Variants in DOCK8 observed in about 807,000 individuals in gnomAD.
DOCK8 encodes dedicator of cytokinesis 8.
A neutral mutation model predicts 245.6 loss-of-function variants in DOCK8; 141 were observed. That is an observed-to-expected ratio of 0.57 (90% CI 0.50 to 0.66). DOCK8 has a LOEUF of 0.66. Among genes scored for constraint, DOCK8 ranks in the 30% least tolerant of loss-of-function variants. The pLI is 0.00. For missense variants in DOCK8, 2,965 were observed against 2,603.4 expected (o/e 1.14, Z -3.02); for synonymous variants, 1,168 against 970.2 (o/e 1.20, Z -3.79).
intron 1 of DOCK8, among the ~76,000 whole-genome samples, chr9:215,914 T>G (rs959009630): frequency 2.0e-5 from 3 of 152,178 alleles, no homozygotes; most frequent in African/African-American, 7.2e-5. Flanking sequence ...TTCTAAAGTG[T>G]CAACTTATTC....
intron 9 of DOCK8, among the ~76,000 whole-genome samples, chr9:329,230 G>A (rs1482744593): frequency 6.6e-6 from 1 of 152,098 alleles, no homozygotes; most frequent in East Asian, 1.9e-4. Context: ...GGGATTACAG[G>A]CGTGAGCCAC....
rs144592514 is a variant in DOCK8, at chr9:303,906, C to G, written c.405-675C>G. Among the ~76,000 whole-genome samples the G allele has an allele frequency of 2.0e-5, 3 of 152,208 alleles. No individual in the cohort carries two copies. In the East Asian group the frequency reaches 5.8e-4, roughly 29 times the overall value. On this transcript the variant is annotated intron_variant, in intron 4 of 47. Transcript: ENST00000432829. ...ATGTTTTCCAAAGATGTCTTTGAGTCATAAAAATGGGAAATACACATGTTG... is the reference window on the plus strand; with the variant it reads ...ATGTTTTCCAAAGATGTCTTTGAGTGATAAAAATGGGAAATACACATGTTG...
chr9:237,863 A>G (rs983282617), intron 1 of DOCK8, among the ~76,000 whole-genome samples: 2 of 152,190 alleles, frequency 1.3e-5, no homozygotes, highest in African/African-American at 4.8e-5. Context: ...TAAACAGCAT[A>G]TATTTAAACA....
intron 5 of DOCK8, among the ~76,000 whole-genome samples, chr9:310,997 T>C (rs919600743): frequency 6.6e-6 from 1 of 151,954 alleles, no homozygotes; most frequent in Non-Finnish European, 1.5e-5. Context: ...ATTAAAGACT[T>C]AAATGGGGCC....
rs761151266 is a variant in DOCK8 at position 451,971 on chromosome 9, ATATATATTTTTTTTTTTTTT to A, written c.5962-38_5962-19del. On this transcript the variant is annotated intron_variant, in intron 45 of 47. Transcript: ENST00000432829. ...TGTGTGTGTGTATATATATATATAT[ATATATATTTTTTTTTTTTTT>A]TTTTTTTTTTTCCCACCAGGGACCA... 5.9e-4 allele frequency: 236 copies of A among 401,248 alleles called. 3 individuals are homozygous for A. In the African/African-American group the frequency reaches 8.9e-3, roughly 15 times the overall value. 24.9% of individuals were successfully genotyped at this position (401,248 alleles called of 1,614,324 possible).
intron 37 of DOCK8, among the ~76,000 whole-genome samples, chr9:433,343 G>C (rs926666188): frequency 6.6e-6 from 1 of 152,170 alleles, no homozygotes; most frequent in Admixed American, 6.5e-5. Flanking sequence ...ACCTGCCAGG[G>C]TCTCTAGATC....
rs189397574 is a variant in DOCK8 at position 333,100 on chromosome 9, G to A, written c.1125+622G>A. Among the ~76,000 whole-genome samples, 20 of 152,266 alleles carry A rather than the reference G, an allele frequency of 1.3e-4. No homozygotes were observed. The East Asian group carries it at 2.1e-3, about 16-fold the overall frequency. On this transcript the variant is annotated intron_variant, in intron 10 of 47. Transcript: ENST00000432829. ...TCTGACTCAGCTGGTTGGGAGGTCC[G>A]TGGAGACCCCAAAACTAAACAGTGC...
At chr9:246,401 G>A (rs1056229472) in intron 1 of DOCK8, among the ~76,000 whole-genome samples, 4 of 152,062 alleles carry the variant, frequency 2.6e-5, no homozygotes, top group African/African-American at 9.7e-5. Context: ...ATGGTTGTGA[G>A]CACCTGTAGT....
chr9:376,176 G>C (rs190271485), intron 18 of DOCK8, 34 bp from the exon 19 acceptor site: 1 of 1,461,530 alleles, frequency 6.8e-7, no homozygotes, highest in African/African-American at 1.4e-5. Flanking sequence ...AAGGGAATTG[G>C]ATTGCTAATC....
chr9:288,095 TCTTTA>T (rs1223063354), intron 3 of DOCK8, among the ~76,000 whole-genome samples: 1 of 152,078 alleles, frequency 6.6e-6, no homozygotes, highest in African/African-American at 2.4e-5. Context: ...GAAGATAATT[TCTTTA>T]CTTAGCATCA....
intron 14 of DOCK8, among the ~76,000 whole-genome samples, chr9:346,588 G>C (rs2051901337): frequency 6.6e-6 from 1 of 151,980 alleles, no homozygotes. Flanking sequence ...ACTTGCTGTG[G>C]AGGACGGTGC....
intron 7 of DOCK8, among the ~76,000 whole-genome samples, chr9:324,737 A>G (rs999011046): frequency 1.3e-5 from 2 of 152,150 alleles, no homozygotes; most frequent in Non-Finnish European, 2.9e-5. Flanking sequence ...GTCCCACTAC[A>G]AATCTAAGGA....
chr9:312,308 T>G, intron 6 of DOCK8, 142 bp downstream of exon 6: 1 of 953,190 alleles, frequency 1.0e-6, no homozygotes. Context: ...CGTTTTTCAC[T>G]CAGGCAAGCC....
At chr9:310,203 G>A (rs977336919) in intron 5 of DOCK8, among the ~76,000 whole-genome samples, 2 of 151,820 alleles carry the variant, frequency 1.3e-5, no homozygotes, top group Non-Finnish European at 2.9e-5. Flanking sequence ...GGAGGCAGAG[G>A]CAGCAGTGAG....
chr9:429,003 T>C (rs2056604575), intron 35 of DOCK8, among the ~76,000 whole-genome samples: 3 of 152,258 alleles, frequency 2.0e-5, no homozygotes, highest in Admixed American at 2.0e-4. Context: ...AGTCTCGCTC[T>C]ATCGCCCAGG....
At chr9:400,041 C>T (rs1226048401) in intron 26 of DOCK8, among the ~76,000 whole-genome samples, 26 of 136,016 alleles carry the variant, frequency 1.9e-4, no homozygotes, top group Middle Eastern at 3.7e-3. Flanking sequence ...TCACCACCAC[C>T]ACCTCCACCA....
intron 1 of DOCK8, among the ~76,000 whole-genome samples, chr9:221,973 G>C (rs778510854): frequency 1.3e-5 from 2 of 152,008 alleles, no homozygotes; most frequent in Non-Finnish European, 2.9e-5. Flanking sequence ...TAGGTTCCAG[G>C]CTGGGCACAG....
intron 28 of DOCK8, among the ~76,000 whole-genome samples, chr9:412,103 TA>T (rs933263976): frequency 1.6e-4 from 25 of 151,980 alleles, no homozygotes; most frequent in Non-Finnish European, 3.2e-4. Flanking sequence ...GGCAAAAAAA[TA>T]AAACAAAAGA....
At chr9:423,816 G>C (rs1387192402) in intron 33 of DOCK8, among the ~76,000 whole-genome samples, 2 of 152,118 alleles carry the variant, frequency 1.3e-5, no homozygotes, top group Non-Finnish European at 2.9e-5. Flanking sequence ...AATTGCTTAG[G>C]TGGTTTAGCT....
Sources: gnomAD v4.1 joint callset for allele counts (sites outside exome capture counted in the v4.1 genomes callset) on GRCh38, gnomAD v4.1.1 for gene constraint, MANE v1.5 for transcripts, NCBI Gene and HGNC (gene_info 2026-07-23, HGNC 2026-07-21) for gene names.